MYO10: variants seen among roughly 807,000 people sequenced by gnomAD.
MYO10 encodes the protein myosin X.
Under a neutral mutation model 257.3 loss-of-function variants are expected in MYO10, and 133 were observed. The ratio of observed to expected loss-of-function variants is 0.52; its 90% confidence interval spans 0.45 to 0.60. The LOEUF is 0.60. Ranked by LOEUF, MYO10 falls within the 20% of genes least tolerant of loss-of-function variation. The pLI is 0.00. For synonymous variants in MYO10, 1,104 were observed against 1,028.6 expected, an observed-to-expected ratio of 1.07 and a Z score of -1.40; for missense variants, 2,399 against 2,635.7, an observed-to-expected ratio of 0.91 and a Z score of 1.97.
intron 25 of MYO10, among the ~76,000 whole-genome samples, chr5:16,699,978 C>G (rs1442749988): frequency 1.3e-5 from 2 of 152,140 alleles, no homozygotes; most frequent in South Asian, 4.1e-4. Flanking sequence ...CTAAAACTAA[C>G]AATGCTTTTT....
intron 19 of MYO10, among the ~76,000 whole-genome samples, chr5:16,751,264 A>C (rs1740369932): frequency 6.6e-6 from 1 of 152,084 alleles, no homozygotes; most frequent in South Asian, 2.1e-4. Flanking sequence ...GGATTAAAAA[A>C]AATATATAAG....
At chr5:16,777,671 T>G (rs1741259677) in intron 9 of MYO10, among the ~76,000 whole-genome samples, 1 of 152,014 alleles carries the variant, frequency 6.6e-6, no homozygotes, top group Non-Finnish European at 1.5e-5. Context: ...CTAACTTCTC[T>G]GAGTCTTAGA....
intron 1 of MYO10, among the ~76,000 whole-genome samples, chr5:16,934,685 A>C (rs1433054916): frequency 6.6e-6 from 1 of 152,240 alleles, no homozygotes; most frequent in African/African-American, 2.4e-5. Context: ...ACTTTTAAAA[A>C]CTAGATATGA....
chr5:16,907,944 C>T (rs1745559360), intron 1 of MYO10, among the ~76,000 whole-genome samples: 1 of 152,132 alleles, frequency 6.6e-6, no homozygotes, highest in African/African-American at 2.4e-5. Context: ...AAAACTAAGG[C>T]AAACATGGCC....
chr5:16,766,762 CCTA>C (rs1436744133), intron 10 of MYO10, among the ~76,000 whole-genome samples: 1 of 146,850 alleles, frequency 6.8e-6, no homozygotes, highest in Non-Finnish European at 1.5e-5. Context: ...ACCATGCCCA[CCTA>C]CTTTCTTTTT....
At position 16,676,059 on chromosome 5, in the gene MYO10, G is replaced by T; in HGVS notation, c.4638C>A (p.Pro1546=). The change falls in exon 34 of 41, where the codon CCC becomes CCA. Residue 1546 remains proline, a synonymous_variant. Coordinates refer to ENST00000513610, the MANE Select transcript of MYO10 (RefSeq NM_012334.3). ...TGAGATTTATGTCCCCATACGGAAG[G>T]GGCAGGAGCGGGGAGTGCAAGGGGT... ...THHPLHSPLL[P]LPYGDINLNL... The T allele has an allele frequency of 6.2e-7, 1 of 1,612,712 alleles. No homozygotes were observed. Among genetic ancestry groups the T allele is most frequent in the Non-Finnish European group, 8.5e-7 (1 of 1,179,448 alleles).
intron 2 of MYO10, among the ~76,000 whole-genome samples, chr5:16,863,994 A>G (rs1462523803): frequency 6.6e-6 from 1 of 152,170 alleles, no homozygotes; most frequent in Non-Finnish European, 1.5e-5. Flanking sequence ...GCTACTTGGC[A>G]GACTGAGGTG....
chr5:16,667,874 C>G (rs1324428315), intron 40 of MYO10, among the ~76,000 whole-genome samples: 1 of 152,146 alleles, frequency 6.6e-6, no homozygotes, highest in Non-Finnish European at 1.5e-5. Flanking sequence ...TGGTCATGCT[C>G]CCGGCTCCCT....
At chr5:16,810,938 G>A (rs754976710) in intron 3 of MYO10, among the ~76,000 whole-genome samples, 3 of 151,874 alleles carry the variant, frequency 2.0e-5, no homozygotes, top group Admixed American at 6.6e-5. Flanking sequence ...GTGTGGTGGC[G>A]GATGCCTGTA....
intron 32 of MYO10, among the ~76,000 whole-genome samples, chr5:16,680,766 C>T (rs891129186): frequency 6.6e-6 from 1 of 152,168 alleles, no homozygotes; most frequent in Non-Finnish European, 1.5e-5. Context: ...TTACAGGTTG[C>T]ATAGGACGCT....
At chr5:16,849,475 T>C (rs1056622752) in intron 2 of MYO10, among the ~76,000 whole-genome samples, 1 of 152,180 alleles carries the variant, frequency 6.6e-6, no homozygotes. Flanking sequence ...TAAGTGGATA[T>C]ATCCAGAGAT....
chr5:16,833,695 C>T (rs1364919160), intron 2 of MYO10, among the ~76,000 whole-genome samples: 3 of 152,120 alleles, frequency 2.0e-5, no homozygotes. Context: ...TGCTGAACTC[C>T]ACTCTGCACC....
intron 1 of MYO10, among the ~76,000 whole-genome samples, chr5:16,887,999 CATCT>C (rs1185952643): frequency 1.3e-5 from 2 of 152,136 alleles, no homozygotes; most frequent in Non-Finnish European, 2.9e-5. Flanking sequence ...CAAATTTTTC[CATCT>C]ATTAGTTAAC....
At chr5:16,816,176 T>C (rs1359291052) in intron 3 of MYO10, among the ~76,000 whole-genome samples, 1 of 151,748 alleles carries the variant, frequency 6.6e-6, no homozygotes, top group Non-Finnish European at 1.5e-5. Flanking sequence ...TTGTCTCTAC[T>C]GAAAATACAA....
At chr5:16,873,611 C>A (rs930733864) in intron 2 of MYO10, among the ~76,000 whole-genome samples, 1 of 152,240 alleles carries the variant, frequency 6.6e-6, no homozygotes, top group African/African-American at 2.4e-5. Flanking sequence ...AGGGCCCCAC[C>A]CCTGCAGCAA....
At chr5:16,831,420 G>A (rs994957961) in intron 2 of MYO10, among the ~76,000 whole-genome samples, 4 of 152,068 alleles carry the variant, frequency 2.6e-5, no homozygotes, top group African/African-American at 9.7e-5. Context: ...ACTTGCGCAC[G>A]CACGTTTATA....
intron 11 of MYO10, 76 bp downstream of exon 11, chr5:16,766,004 T>A: frequency 1.0e-6 from 1 of 964,986 alleles, no homozygotes; most frequent in African/African-American, 1.6e-5. Context: ...TATAATTACA[T>A]ATTTCAATCA....
intron 9 of MYO10, among the ~76,000 whole-genome samples, chr5:16,771,901 A>T (rs1741062279): frequency 6.6e-6 from 1 of 151,814 alleles, no homozygotes. Flanking sequence ...CATTATTATT[A>T]TTATTATTGA....
At chr5:16,909,261 A>C (rs1745594612) in intron 1 of MYO10, among the ~76,000 whole-genome samples, 1 of 151,974 alleles carries the variant, frequency 6.6e-6, no homozygotes, top group Admixed American at 6.6e-5. Context: ...GTAATCCCAG[A>C]ACTTTGGGAG....
Sources: allele counts gnomAD v4.1 joint callset (sites outside exome capture counted in the v4.1 genomes callset), GRCh38; gene constraint gnomAD v4.1.1; transcripts MANE v1.5; gene names NCBI Gene and HGNC (gene_info 2026-07-23, HGNC 2026-07-21).